GSTCD: variants seen among roughly 807,000 people sequenced by gnomAD.
GSTCD encodes glutathione S-transferase C-terminal domain containing.
GSTCD carries 44 observed loss-of-function variants against 68.3 expected under a neutral mutation model. That is an observed-to-expected ratio of 0.64 (90% confidence interval 0.51 to 0.83). The LOEUF is 0.83. GSTCD is among the 40% of genes least tolerant of loss of function. The probability of loss-of-function intolerance (pLI) is 0.00; values close to 1 mark genes in which losing one functional copy is unlikely to be tolerated. For missense variants in GSTCD, 739 were observed against 735.9 expected (o/e 1.00, Z -0.05); for synonymous variants, 273 against 255.2 (o/e 1.07, Z -0.67).
intron 5 of GSTCD, among the ~76,000 whole-genome samples, chr4:105,758,691 G>A (rs11727348): frequency 0.054 from 8,169 of 152,152 alleles, 253 homozygotes; most frequent in Middle Eastern, 0.14. Flanking sequence ...ATACACTCTG[G>A]AAGGGCGATA....
In GSTCD at chr4:105,740,798, T is replaced by C. The variant is rs548186916; in HGVS notation, c.1240+11299T>C. ...ATGCTGGGATGAAGGACTGGCCTCT[T>C]TTTGTCCTACTGTTAAAGTCTGGGT... On this transcript the variant is annotated intron_variant, in intron 5 of 11. Coordinates refer to ENST00000515279, the MANE Select transcript of GSTCD (RefSeq NM_001370181.1). 1.8e-4 allele frequency among the ~76,000 whole-genome samples: 27 copies of C among 152,212 alleles called. 1 individual carries two copies. The highest frequency in any genetic ancestry group is 6.8e-3 in the Middle Eastern group (2 of 294).
intron 1 of GSTCD, among the ~76,000 whole-genome samples, chr4:105,710,465 AT>A (rs1391406870): frequency 6.7e-6 from 1 of 149,830 alleles, no homozygotes; most frequent in Non-Finnish European, 1.5e-5. Context: ...CTGACCTCAA[AT>A]GATCCGCCCG....
chr4:105,828,784 A>T (rs752396786), intron 8 of GSTCD, among the ~76,000 whole-genome samples: 7 of 152,236 alleles, frequency 4.6e-5, no homozygotes, highest in Non-Finnish European at 8.8e-5. Context: ...AGAGCATCAG[A>T]AACCTCAGAG....
chr4:105,811,269 C>G (rs1277840112), intron 5 of GSTCD, among the ~76,000 whole-genome samples: 2 of 151,914 alleles, frequency 1.3e-5, no homozygotes, highest in Admixed American at 1.3e-4. Flanking sequence ...ATATCTCTTT[C>G]CTCTTAGTAT....
Position 105,727,668 on chromosome 4 carries a change from G to A in GSTCD, c.1146+838G>A, listed in dbSNP as rs757330234. Among the ~76,000 whole-genome samples, 40 of 150,586 alleles carry A rather than the reference G, an allele frequency of 2.7e-4. 1 individual carries two copies. The highest frequency in any genetic ancestry group is 3.4e-3 in the Middle Eastern group (1 of 292). On this transcript the variant is annotated intron_variant, in intron 4 of 11. Transcript: ENST00000515279. The stretch of plus-strand genomic sequence containing the variant: ...ATGTTTTTGTTACATAAAAGCCTGG[G>A]TGACAGAGTGAAACCCTGTTTCAAA...
chr4:105,808,698 T>C (rs79016199), intron 5 of GSTCD, among the ~76,000 whole-genome samples: 126 of 152,238 alleles, frequency 8.3e-4, no homozygotes, highest in African/African-American at 2.9e-3. Context: ...TGTGGTTTAG[T>C]TACCCGCAGT....
chr4:105,744,203 T>G lies in GSTCD; in HGVS notation c.1240+14704T>G, dbSNP rs552658302. ...TTCCCTCATGAGTAGATTCCAGTTATGCATTTTGGGCAGGAATATCACAGA... is the reference window on the plus strand; with the variant it reads ...TTCCCTCATGAGTAGATTCCAGTTAGGCATTTTGGGCAGGAATATCACAGA... On this transcript the variant is annotated intron_variant, in intron 5 of 11. Transcript: ENST00000515279. 4.6e-5 allele frequency among the ~76,000 whole-genome samples: 7 copies of G among 152,330 alleles called. No individual in the cohort carries two copies. In the East Asian group the frequency reaches 1.4e-3, roughly 29 times the overall value.
chr4:105,740,569 T>C (rs1733601305), intron 5 of GSTCD, among the ~76,000 whole-genome samples: 2 of 152,182 alleles, frequency 1.3e-5, no homozygotes, highest in Admixed American at 1.3e-4. Flanking sequence ...CGTGGGATGC[T>C]TGGGCATATG....
chr4:105,731,919 C>T (rs1259770200), intron 5 of GSTCD, among the ~76,000 whole-genome samples: 12 of 151,972 alleles, frequency 7.9e-5, no homozygotes, highest in Admixed American at 6.6e-4. Context: ...TTGAATTTTG[C>T]CAAAGGCCTT....
At chr4:105,766,414 C>T (rs1392560009) in intron 5 of GSTCD, among the ~76,000 whole-genome samples, 1 of 152,202 alleles carries the variant, frequency 6.6e-6, no homozygotes, top group Non-Finnish European at 1.5e-5. Context: ...GTCAAAACTA[C>T]TGGAAGCCCA....
chr4:105,789,070 T>C (rs1007650989), intron 5 of GSTCD, among the ~76,000 whole-genome samples: 2 of 152,150 alleles, frequency 1.3e-5, no homozygotes, highest in Non-Finnish European at 2.9e-5. Flanking sequence ...TTTTGAACTG[T>C]GAATTTTATT....
intron 5 of GSTCD, among the ~76,000 whole-genome samples, chr4:105,806,127 G>A (rs1722480052): frequency 6.6e-6 from 1 of 152,034 alleles, no homozygotes; most frequent in South Asian, 2.1e-4. Context: ...AAACATATCT[G>A]AAAATCTAGG....
At chr4:105,783,746 A>G (rs1274614219) in intron 5 of GSTCD, among the ~76,000 whole-genome samples, 2 of 152,338 alleles carry the variant, frequency 1.3e-5, no homozygotes, top group East Asian at 3.9e-4. Context: ...TTCAAATGTC[A>G]TCAATTGTCC....
chr4:105,813,103 T>C (rs1282360991), intron 5 of GSTCD, among the ~76,000 whole-genome samples: 1 of 152,186 alleles, frequency 6.6e-6, no homozygotes, highest in South Asian at 2.1e-4. Context: ...AGTAACTATG[T>C]GACCAAAGCA....
intron 9 of GSTCD, 44 bp downstream of exon 9, chr4:105,834,638 A>AG (rs1180037673): frequency 6.4e-7 from 1 of 1,560,646 alleles, no homozygotes; most frequent in Non-Finnish European, 8.7e-7. Flanking sequence ...CATGGGTATA[A>AG]GCCAGGACAC....
chr4:105,774,729 C>T (rs1734986592), intron 5 of GSTCD, among the ~76,000 whole-genome samples: 1 of 152,240 alleles, frequency 6.6e-6, no homozygotes, highest in South Asian at 2.1e-4. Flanking sequence ...CGCTGTTAGT[C>T]TGACGGGCTT....
chr4:105,741,955 AG>A (rs10716240), intron 5 of GSTCD, among the ~76,000 whole-genome samples: 4,253 of 152,268 alleles, frequency 0.028, 177 homozygotes, highest in African/African-American at 0.088. Flanking sequence ...AAAATTATGT[AG>A]GGGTATGGAG....
chr4:105,782,648 T>C (rs1161662532), intron 5 of GSTCD, among the ~76,000 whole-genome samples: 1 of 152,102 alleles, frequency 6.6e-6, no homozygotes, highest in African/African-American at 2.4e-5. Context: ...TACAATGCTG[T>C]GATCTTGGCT....
At chr4:105,763,047 T>G (rs76240328) in intron 5 of GSTCD, among the ~76,000 whole-genome samples, 17,981 of 152,162 alleles carry the variant, frequency 0.12, 1,615 homozygotes, top group African/African-American at 0.25. Flanking sequence ...GGAACCAACA[T>G]CAAAATGTTT....
Sources: allele counts gnomAD v4.1 joint callset (sites outside exome capture counted in the v4.1 genomes callset), GRCh38; gene constraint gnomAD v4.1.1; transcripts MANE v1.5; gene names NCBI Gene and HGNC (gene_info 2026-07-23, HGNC 2026-07-21).